PRKD2: variants seen among roughly 807,000 people sequenced by gnomAD.
PRKD2 encodes the protein protein kinase D2.
A neutral mutation model predicts 86.0 loss-of-function variants in PRKD2; 22 were observed. That is an observed-to-expected ratio of 0.26 (90% CI 0.18 to 0.37). PRKD2 has a LOEUF of 0.37. PRKD2 is among the 10% of genes least tolerant of loss of function. The pLI is 1.00. For missense variants in PRKD2, 818 were observed against 1,199.2 expected, an observed-to-expected ratio of 0.68 and a Z score of 4.70; for synonymous variants, 509 against 510.9, an observed-to-expected ratio of 1.00 and a Z score of 0.05.
Position 46,711,054 on chromosome 19 carries a change from A to AGG in PRKD2, c.380-18_380-17dup. 1 of 1,573,166 alleles carries AGG rather than the reference A, an allele frequency of 6.4e-7. No individual in the cohort carries two copies. The highest frequency in any genetic ancestry group is 8.6e-7 in the Non-Finnish European group (1 of 1,157,860). ...GTGGCCGAGGCTGTAGGCGGAAAAT[A>AGG]GGGGTGGATGCTTGAGGCGGGGTAG... is the stretch of plus-strand genomic sequence containing the variant. On this transcript the variant is annotated splice_polypyrimidine_tract_variant and intron_variant, in intron 2 of 17. Transcript: ENST00000291281.
chr19:46,692,106 T>G, intron 10 of PRKD2, 121 bp from the exon 11 acceptor site: 1 of 944,006 alleles, frequency 1.1e-6, no homozygotes, highest in Non-Finnish European at 1.7e-6. Flanking sequence ...TTCGATACAA[T>G]GTGCAACTTC....
intron 3 of PRKD2, among the ~76,000 whole-genome samples, chr19:46,709,640 C>T (rs77068246): frequency 2.2e-4 from 34 of 152,212 alleles, no homozygotes; most frequent in East Asian, 1.4e-3. Context: ...GGATTACAGG[C>T]GTGAGCCACC....
chr19:46,674,928 A>C (rs1006557818), intron 17 of PRKD2, 105 bp downstream of exon 17: 18 of 1,264,944 alleles, frequency 1.4e-5, no homozygotes, highest in Non-Finnish European at 1.9e-5. Flanking sequence ...CACATTCCAG[A>C]CCCAAGGAAA....
intron 13 of PRKD2, 28 bp from the exon 14 acceptor site, chr19:46,689,726 C>G (rs1196033648): frequency 1.2e-6 from 2 of 1,612,714 alleles, no homozygotes; most frequent in Non-Finnish European, 8.5e-7. Flanking sequence ...GGGTCAGGGC[C>G]CAGGTAACCC....
At chr19:46,710,435 A>G in intron 3 of PRKD2, 1 of 153,176 alleles carries the variant, frequency 6.5e-6, no homozygotes, top group Non-Finnish European at 1.4e-5. Context: ...TGATCCACCT[A>G]CCTTTGCCTC....
chr19:46,697,770 T>G lies in PRKD2; in HGVS notation c.1202A>C (p.Glu401Ala), dbSNP rs1304978090. The G allele has an allele frequency of 1.1e-5, 18 of 1,613,564 alleles. No individual in the cohort carries two copies. Among genetic ancestry groups the G allele is most frequent in the Non-Finnish European group, 1.5e-5 (18 of 1,179,882 alleles). Residue 401 changes from glutamate to alanine, a missense_variant, in exon 8 of 18, where the codon GAG (glutamate) becomes GCG (alanine). Around this residue, in one of 5 missense-constraint regions of PRKD2, gnomAD observed 127 missense variants for 157.8 expected, o/e 0.80. Coordinates refer to ENST00000291281, the MANE Select transcript of PRKD2 (RefSeq NM_016457.5). ...TTRKSSTTLREGWVVHYSNKD... is the reference protein window; with the variant it reads ...TTRKSSTTLRAGWVVHYSNKD... ...GTTGCTGTAATGAACCACCCAACCC[T>G]CCCGCAGCGTGGTGCTGGATTTCCG...
In PRKD2 at chr19:46,674,376, A is replaced by T. The variant is rs770090219; in HGVS notation, c.*147T>A. On this transcript the variant is annotated 3_prime_UTR_variant, in exon 18 of 18. Coordinates refer to ENST00000291281, the MANE Select transcript of PRKD2 (RefSeq NM_016457.5). The stretch of plus-strand genomic sequence containing the variant: ...CGTTTTAATTGCTGGGGAAACAGGG[A>T]GGGGCCTTGGAAATAGCTCCCCCCA... 140 of 794,110 alleles carry T rather than the reference A, an allele frequency of 1.8e-4. No homozygotes were observed. Among genetic ancestry groups the T allele is most frequent in the Middle Eastern group, 7.6e-4 (2 of 2,620 alleles). 49.2% of individuals were successfully genotyped at this position (794,110 alleles called of 1,614,324 possible). A position where few individuals can be genotyped will look rare whatever the true frequency, so the allele number is the denominator to read the frequency against.
At chr19:46,709,870 AT>A (rs200395517) in intron 3 of PRKD2, among the ~76,000 whole-genome samples, 7 of 150,982 alleles carry the variant, frequency 4.6e-5, no homozygotes, top group South Asian at 2.1e-4. Flanking sequence ...GATAGGATGG[AT>A]TTTTTTTTCT....
In PRKD2 at chr19:46,693,744, C is replaced by T. The variant is rs555873489; in HGVS notation, c.1576+131G>A. The stretch of plus-strand genomic sequence containing the variant: ...GTGATTAACAGAGTTTGAACCCAGG[C>T]CTGCTGAGTCCAGAAGCTGCGTTCT... On this transcript the variant is annotated intron_variant, in intron 10 of 17. Coordinates refer to ENST00000291281, the MANE Select transcript of PRKD2 (RefSeq NM_016457.5). The surrounding 1 kb of genome is among the most constrained non-coding windows in gnomAD (Gnocchi z 4.5). The T allele has an allele frequency of 3.7e-4, 494 of 1,329,578 alleles. 4 individuals carry two copies. In the African/African-American group the frequency reaches 6.1e-3, roughly 16 times the overall value. The allele number at this position is 1,329,578 out of a possible 1,614,324, so 82.4% of individuals were successfully genotyped here.
intron 7 of PRKD2, among the ~76,000 whole-genome samples, chr19:46,700,122 G>A (rs1015358536): frequency 4.6e-5 from 7 of 151,902 alleles, no homozygotes; most frequent in Non-Finnish European, 5.9e-5. Flanking sequence ...TGTAGTCCCA[G>A]CTACTTGGGA....
At chr19:46,689,943 T>C (rs1236839106) in intron 13 of PRKD2, among the ~76,000 whole-genome samples, 1 of 152,060 alleles carries the variant, frequency 6.6e-6, no homozygotes, top group Non-Finnish European at 1.5e-5. Flanking sequence ...TTTCGCCATG[T>C]TGGCCAGGCT....
At position 46,674,492 on chromosome 19, in the gene PRKD2, G is replaced by C. The variant is rs370839622; in HGVS notation, c.*31C>G. 3.1e-6 allele frequency: 5 copies of C among 1,592,952 alleles called. No individual in the cohort carries two copies. The African/African-American group carries it at 6.7e-5, about 21-fold the overall frequency. ...TGGGATCCTGTGAAGAACCGCTGTG[G>C]AGGGCAGCAGCTGGACGAGGGCACA... On this transcript the variant is annotated 3_prime_UTR_variant, in exon 18 of 18. Transcript: ENST00000291281.
At chr19:46,701,971 C>T (rs2053641449) in intron 5 of PRKD2, among the ~76,000 whole-genome samples, 2 of 150,798 alleles carry the variant, frequency 1.3e-5, no homozygotes, top group African/African-American at 4.9e-5. Context: ...TCTAGGGACA[C>T]TATACATCGA....
At chr19:46,701,363 G>A (rs1267305211) in intron 5 of PRKD2, among the ~76,000 whole-genome samples, 2 of 151,844 alleles carry the variant, frequency 1.3e-5, no homozygotes, top group Non-Finnish European at 2.9e-5. Context: ...GCTCCCGCCT[G>A]TAATCTCGGT....
At position 46,704,333 on chromosome 19, in the gene PRKD2, G is replaced by A; in HGVS notation, c.725C>T (p.Ser242Phe). 6.2e-7 allele frequency: 1 copy of A among 1,614,206 alleles called. No individual in the cohort carries two copies. ...RRPPSSSSSSSASSYTGRPIE... is the reference protein window; with the variant it reads ...RRPPSSSSSSFASSYTGRPIE... ...GGGGCGGCCCGTATACGATGAGGCA[G>A]AAGAGGAGGAAGAGGATGACGGGGG... Residue 242 changes from serine to phenylalanine, a missense_variant, in exon 5 of 18, where the codon TCT becomes TTT. Transcript: ENST00000291281.
At chr19:46,690,165 A>T (rs2053463238) in intron 13 of PRKD2, among the ~76,000 whole-genome samples, 1 of 151,892 alleles carries the variant, frequency 6.6e-6, no homozygotes, top group South Asian at 2.1e-4. Flanking sequence ...CCCCTCTCAC[A>T]TTCTCCAGTC....
intron 1 of PRKD2, chr19:46,714,477 T>TGGGGGGGG (rs567281554): frequency 2.2e-4 from 9 of 40,950 alleles, no homozygotes; most frequent in South Asian, 9.8e-4. Flanking sequence ...CCTGGGAAAG[T>TGGGGGGGG]GGGGGGGGGG....
intron 5 of PRKD2, among the ~76,000 whole-genome samples, chr19:46,702,038 G>GTTTTTTTT (rs869093299): frequency 7.6e-6 from 1 of 131,668 alleles, no homozygotes; most frequent in Non-Finnish European, 1.6e-5. Context: ...TCTGTTTTTT[G>GTTTTTTTT]TTTTTTTTTT....
intron 7 of PRKD2, among the ~76,000 whole-genome samples, chr19:46,699,008 G>A (rs2053600615): frequency 6.6e-6 from 1 of 152,134 alleles, no homozygotes; most frequent in South Asian, 2.1e-4. Context: ...GCTTCAGGCT[G>A]CTTGGGTTGG....
Sources: allele counts gnomAD v4.1 joint callset (sites outside exome capture counted in the v4.1 genomes callset), GRCh38; gene constraint gnomAD v4.1.1; regional missense constraint gnomAD v4.1.1; non-coding constraint Gnocchi (gnomAD v3.1); transcripts MANE v1.5; gene names NCBI Gene and HGNC (gene_info 2026-07-23, HGNC 2026-07-21).